Variants in NFU1 observed in about 807,000 individuals in gnomAD.
NFU1 encodes the protein NFU1 iron-sulfur cluster scaffold.
In NFU1, 30 loss-of-function variants were observed where a neutral mutation model predicts 32.2. The observed-to-expected ratio is 0.93, with a 90% CI of 0.70 to 1.26. The LOEUF is 1.26. Among genes scored for constraint, NFU1 ranks in the 50% most tolerant of loss-of-function variants. NFU1 has a pLI of 0.00. For missense variants in NFU1, 306 were observed against 306.6 expected (o/e 1.00, Z 0.02); for synonymous variants, 112 against 104.6 (o/e 1.07, Z -0.43).
chr2:69,425,418 A>T (rs559480793), intron 2 of NFU1, among the ~76,000 whole-genome samples: 1 of 151,332 alleles, frequency 6.6e-6, no homozygotes, highest in Admixed American at 6.6e-5. Flanking sequence ...GAAGTGGCAC[A>T]ATCGTGGCTC....
intron 3 of NFU1, among the ~76,000 whole-genome samples, chr2:69,422,738 C>T (rs1008044617): frequency 2.0e-5 from 3 of 151,980 alleles, no homozygotes; most frequent in African/African-American, 7.3e-5. Context: ...GGCAGGGTCT[C>T]ACTCGCTCGC....
chr2:69,430,874 C>T (rs1673616788), intron 2 of NFU1, among the ~76,000 whole-genome samples: 1 of 152,164 alleles, frequency 6.6e-6, no homozygotes, highest in East Asian at 1.9e-4. Context: ...AGTATGGCCA[C>T]AGGAATGTGT....
chr2:69,435,248 G>A (rs539292739), intron 1 of NFU1, among the ~76,000 whole-genome samples: 2 of 152,336 alleles, frequency 1.3e-5, no homozygotes, highest in East Asian at 3.9e-4. Flanking sequence ...CCAAGCCCGG[G>A]AATGGGCAGT....
rs1673348954 is a variant in NFU1, at chr2:69,423,796, G to A, written c.167-79C>T. The A allele has an allele frequency of 1.6e-5, 17 of 1,066,882 alleles. No homozygotes were observed. The South Asian group carries it at 2.3e-4, about 15-fold the overall frequency. 66.1% of individuals were successfully genotyped at this position (1,066,882 alleles called of 1,614,324 possible). On this transcript the variant is annotated intron_variant, in intron 2 of 7. Coordinates refer to ENST00000410022, the MANE Select transcript of NFU1 (RefSeq NM_001002755.4). The stretch of plus-strand genomic sequence containing the variant: ...ATGGACTATGAAGTGCTCATTTGCA[G>A]AGAATCAGAAGAAGTAAGAAAAACT...
chr2:69,431,987 C>A lies in NFU1; in HGVS notation c.81G>T (p.Lys27Asn). 6.2e-7 allele frequency: 1 copy of A among 1,611,472 alleles called. No homozygotes were observed. The highest frequency in any genetic ancestry group is 8.5e-7 in the Non-Finnish European group (1 of 1,177,698). ...GCTGTTTCTTAATGGTGTATGGATT[C>A]TTCAACATATGACAGAACCTGCATT... ...GLRRRFCHMLKNPYTIKKQPL... is the reference protein window; with the variant it reads ...GLRRRFCHMLNNPYTIKKQPL... The change falls in exon 2 of 8, where the codon AAG (lysine) becomes AAT (asparagine). Residue 27 changes from lysine to asparagine, a missense_variant. Lys to Asn is a moderately conservative substitution (Grantham distance 94). Coordinates refer to ENST00000410022, the MANE Select transcript of NFU1 (RefSeq NM_001002755.4).
Position 69,431,983 on chromosome 2 carries a change from G to T in NFU1, c.85C>A (p.Pro29Thr). The change falls in exon 2 of 8, where the codon CCA becomes ACA. Residue 29 changes from proline to threonine, a missense_variant. Coordinates refer to ENST00000410022, the MANE Select transcript of NFU1 (RefSeq NM_001002755.4). ...RRRFCHMLKN[P>T]YTIKKQPLHQ... ...AGAGGCTGTTTCTTAATGGTGTATG[G>T]ATTCTTCAACATATGACAGAACCTG... is the stretch of plus-strand genomic sequence containing the variant. The T allele has an allele frequency of 6.2e-7, 1 of 1,612,264 alleles. No homozygotes were observed. Among genetic ancestry groups the T allele is most frequent in the Non-Finnish European group, 8.5e-7 (1 of 1,178,388 alleles).
At chr2:69,427,362 G>C (rs559340818) in intron 2 of NFU1, among the ~76,000 whole-genome samples, 2 of 146,178 alleles carry the variant, frequency 1.4e-5, no homozygotes, top group African/African-American at 5.1e-5. Context: ...TCCAGCCTGG[G>C]CAAAAAGAGC....
In NFU1 at chr2:69,403,366, A is replaced by G. The variant is rs549530487; in HGVS notation, c.545+2656T>C. Among the ~76,000 whole-genome samples, 7 of 150,468 alleles carry G rather than the reference A, an allele frequency of 4.7e-5. No homozygotes were observed. The South Asian group carries it at 8.4e-4, about 18-fold the overall frequency. On this transcript the variant is annotated intron_variant, in intron 6 of 7. Coordinates refer to ENST00000410022, the MANE Select transcript of NFU1 (RefSeq NM_001002755.4). Reference sequence around the variant, plus strand: ...AGATTGATGAATTATTTTTTATTCTATTTCTCCCCTCCGGAGGTTTGATTC... The same window carrying G: ...AGATTGATGAATTATTTTTTATTCTGTTTCTCCCCTCCGGAGGTTTGATTC...
At chr2:69,399,392 G>T in intron 7 of NFU1, 2 of 453,920 alleles carry the variant, frequency 4.4e-6, no homozygotes, top group Admixed American at 2.4e-5. Context: ...CCTTAGGTAT[G>T]TTGGCAAAAA....
rs1180911781 is a variant in NFU1, at chr2:69,437,349, C to A, written c.62+12G>T. On this transcript the variant is annotated intron_variant, in intron 1 of 7. Coordinates refer to ENST00000410022, the MANE Select transcript of NFU1 (RefSeq NM_001002755.4). Reference sequence around the variant, plus strand: ...CGGCACACCTATTCGGAGCTCCAGGCTCGTCACCTACCGCCTGCGCAGCCC... The same window carrying A: ...CGGCACACCTATTCGGAGCTCCAGGATCGTCACCTACCGCCTGCGCAGCCC... 2 of 1,605,234 alleles carry A rather than the reference C, an allele frequency of 1.2e-6. No individual in the cohort carries two copies. The highest frequency in any genetic ancestry group is 8.5e-7 in the Non-Finnish European group (1 of 1,177,574).
upstream of NFU1, among the ~76,000 whole-genome samples, chr2:69,438,861 T>TCCCACCCCCCCC (rs1673949654): frequency 1.2e-5 from 1 of 85,644 alleles, no homozygotes; most frequent in Admixed American, 1.2e-4. Flanking sequence ...TCTTCCCCCA[T>TCCCACCCCCCCC]CCAACCCCCC....
At chr2:69,436,889 T>C (rs996265566) in intron 1 of NFU1, among the ~76,000 whole-genome samples, 6 of 152,128 alleles carry the variant, frequency 3.9e-5, no homozygotes, top group East Asian at 1.9e-4. Context: ...ACTTAGAAAC[T>C]GTGTAACCTT....
chr2:69,436,217 C>T (rs1396719493), intron 1 of NFU1, among the ~76,000 whole-genome samples: 2 of 152,158 alleles, frequency 1.3e-5, no homozygotes, highest in Non-Finnish European at 2.9e-5. Context: ...TCACAGCTAC[C>T]TCATAAATAA....
chr2:69,437,470 C>T (rs886056268), upstream of NFU1: 4 of 1,591,780 alleles, frequency 2.5e-6, no homozygotes, highest in Admixed American at 5.3e-5. Flanking sequence ...CACGAAAGAT[C>T]TGCGCAGCCG....
At chr2:69,399,673 T>C (rs1389835620) in intron 7 of NFU1, among the ~76,000 whole-genome samples, 1 of 151,700 alleles carries the variant, frequency 6.6e-6, no homozygotes, top group Admixed American at 6.6e-5. Flanking sequence ...CCACTAAAGA[T>C]TTCTAAATCT....
intron 5 of NFU1, among the ~76,000 whole-genome samples, chr2:69,413,075 A>G (rs537730145): frequency 1.6e-4 from 24 of 151,546 alleles, no homozygotes; most frequent in African/African-American, 5.8e-4. Flanking sequence ...CAGATGGATC[A>G]GGAGTTCAAG....
At chr2:69,421,463 T>C (rs1244992457) in intron 3 of NFU1, among the ~76,000 whole-genome samples, 1 of 151,942 alleles carries the variant, frequency 6.6e-6, no homozygotes, top group Non-Finnish European at 1.5e-5. Context: ...TTCCCCAAAA[T>C]TTCAACTGAT....
At chr2:69,429,678 A>AT in intron 2 of NFU1, among the ~76,000 whole-genome samples, 1 of 152,346 alleles carries the variant, frequency 6.6e-6, no homozygotes. Flanking sequence ...AAGTATGAAA[A>AT]TGAATGACAT....
chr2:69,424,811 T>G (rs182614072), intron 2 of NFU1, among the ~76,000 whole-genome samples: 31 of 152,038 alleles, frequency 2.0e-4, no homozygotes, highest in Admixed American at 1.6e-3. Context: ...AAGACAAAGT[T>G]AGCAATTTAT....
Sources: gnomAD v4.1 joint callset for allele counts (sites outside exome capture counted in the v4.1 genomes callset) on GRCh38, gnomAD v4.1.1 for gene constraint, MANE v1.5 for transcripts, NCBI Gene and HGNC (gene_info 2026-07-23, HGNC 2026-07-21) for gene names.